The following COL9A1 variants were observed in gnomAD, a reference collection of about 807,000 sequenced individuals.
COL9A1 encodes collagen alpha-1(IX) chain.
COL9A1 carries 104 observed loss-of-function variants against 142.6 expected under a neutral mutation model. The ratio of observed to expected loss-of-function variants is 0.73; its 90% CI spans 0.62 to 0.86. COL9A1 has a LOEUF of 0.86. COL9A1 is among the 40% of genes least tolerant of loss of function. The pLI, the probability that COL9A1 is intolerant of heterozygous loss-of-function variation, is 0.00. For missense variants in COL9A1, 1,210 were observed against 1,176.6 expected (o/e 1.03, Z -0.42); for synonymous variants, 466 against 396.0 (o/e 1.18, Z -2.10).
chr6:70,294,127 T>C (rs1336371294), intron 5 of COL9A1, 40 bp downstream of exon 5: 4 of 1,612,080 alleles, frequency 2.5e-6, no homozygotes, highest in African/African-American at 1.3e-5. Flanking sequence ...ACCAATCTAG[T>C]TTTGCTTTAA....
In COL9A1 at chr6:70,300,687, TG is replaced by T. The variant is rs370842882; in HGVS notation, c.89-302del. ...AAGGCACAAAGTTGCTCTAATAATC[TG>T]GCTGGGAAAATGTTCGTTTTGAAGA... On this transcript the variant is annotated intron_variant, in intron 2 of 37. Coordinates refer to ENST00000357250, the MANE Select transcript of COL9A1 (RefSeq NM_001851.6). Among the ~76,000 whole-genome samples the T allele has an allele frequency of 3.3e-4, 50 of 152,278 alleles. 2 individuals are homozygous for T. The highest frequency in any genetic ancestry group is 1.1e-3 in the African/African-American group (47 of 41,558).
chr6:70,222,008 C>G (rs192288014), intron 37 of COL9A1, among the ~76,000 whole-genome samples: 1 of 152,230 alleles, frequency 6.6e-6, no homozygotes, highest in East Asian at 1.9e-4. Context: ...ATTCACATGT[C>G]TAGGTTGCAA....
intron 17 of COL9A1, among the ~76,000 whole-genome samples, chr6:70,268,363 T>A (rs1772165819): frequency 6.6e-6 from 1 of 152,016 alleles, no homozygotes; most frequent in South Asian, 2.1e-4. Flanking sequence ...TACAAGTGCA[T>A]GCCACCATGC....
intron 28 of COL9A1, among the ~76,000 whole-genome samples, chr6:70,245,381 C>G (rs895421532): frequency 6.6e-6 from 1 of 152,132 alleles, no homozygotes; most frequent in Non-Finnish European, 1.5e-5. Context: ...TGAAGGTCAT[C>G]GCCAAGGTCT....
intron 19 of COL9A1, 84 bp downstream of exon 19, chr6:70,263,160 T>G (rs1423478259): frequency 8.8e-7 from 1 of 1,130,694 alleles, no homozygotes; most frequent in Non-Finnish European, 1.3e-6. Context: ...TTCATCCAAC[T>G]GCTAAATAGA....
At chr6:70,225,292 C>T (rs1380762401) in intron 37 of COL9A1, among the ~76,000 whole-genome samples, 1 of 152,178 alleles carries the variant, frequency 6.6e-6, no homozygotes, top group Non-Finnish European at 1.5e-5. Context: ...CCAGCCTGGA[C>T]TCTGGTGACA....
chr6:70,302,099 CTG>C lies in COL9A1; in HGVS notation c.15-27_15-26del, dbSNP rs758612086. 28 of 1,552,770 alleles carry C rather than the reference CTG, an allele frequency of 1.8e-5. 1 individual carries two copies. In the Middle Eastern group the frequency reaches 5.1e-4, roughly 28 times the overall value. On this transcript the variant is annotated intron_variant, in intron 1 of 37. Transcript: ENST00000357250. ...CCTGAAGAAGAGAGAAGAAAAATGA[CTG>C]AAACAGGAGTCCCCGCAGATGGAAA...
At chr6:70,236,112 C>CAAAAAA (rs368419095) in intron 33 of COL9A1, among the ~76,000 whole-genome samples, 4 of 49,022 alleles carry the variant, frequency 8.2e-5, no homozygotes, top group Non-Finnish European at 1.3e-4. Flanking sequence ...GACTCCATCT[C>CAAAAAA]AAAAAAAAAA....
intron 18 of COL9A1, 145 bp downstream of exon 18, chr6:70,266,572 T>A (rs1239576914): frequency 1.4e-5 from 10 of 719,978 alleles, no homozygotes; most frequent in Non-Finnish European, 2.2e-5. Context: ...TATTGATGCA[T>A]CTGCTTAGAA....
chr6:70,225,823 A>G, intron 37 of COL9A1, 109 bp downstream of exon 37: 1 of 836,844 alleles, frequency 1.2e-6, no homozygotes, highest in South Asian at 1.4e-5. Context: ...TGAATAATTA[A>G]TATGCTTAAG....
chr6:70,223,913 G>A (rs1490260558), intron 37 of COL9A1, among the ~76,000 whole-genome samples: 1 of 152,184 alleles, frequency 6.6e-6, no homozygotes, highest in Non-Finnish European at 1.5e-5. Context: ...GAGGTGAGAA[G>A]GATGGGAGAT....
intron 35 of COL9A1, among the ~76,000 whole-genome samples, chr6:70,233,266 A>G (rs1769671282): frequency 6.6e-6 from 1 of 152,236 alleles, no homozygotes; most frequent in Non-Finnish European, 1.5e-5. Flanking sequence ...TAGTTTGAAG[A>G]TATTATATAA....
intron 5 of COL9A1, among the ~76,000 whole-genome samples, chr6:70,287,335 A>G (rs1431186441): frequency 6.6e-6 from 1 of 152,152 alleles, no homozygotes; most frequent in Non-Finnish European, 1.5e-5. Flanking sequence ...TTATTATTAA[A>G]TTGTCATTGA....
Position 70,217,609 on chromosome 6 carries a change from A to G in COL9A1, c.2582-528T>C, listed in dbSNP as rs558058201. ...GTGGCTACTTGATTTAAAATCATACATGCAACTCACATTTGTGGCTCACAT... is the reference window on the plus strand; with the variant it reads ...GTGGCTACTTGATTTAAAATCATACGTGCAACTCACATTTGTGGCTCACAT... On this transcript the variant is annotated intron_variant, in intron 37 of 37. Coordinates refer to ENST00000357250, the MANE Select transcript of COL9A1 (RefSeq NM_001851.6). Among the ~76,000 whole-genome samples the G allele has an allele frequency of 9.8e-4, 150 of 152,332 alleles. No individual in the cohort carries two copies. In the Middle Eastern group the frequency reaches 0.02, roughly 21 times the overall value.
intron 37 of COL9A1, among the ~76,000 whole-genome samples, chr6:70,218,483 A>G (rs1768671568): frequency 6.6e-6 from 1 of 152,208 alleles, no homozygotes; most frequent in African/African-American, 2.4e-5. Context: ...CAATTATTGC[A>G]AAAGTGGTGA....
Position 70,216,705 on chromosome 6 carries a change from A to C in COL9A1, c.*192T>G. On this transcript the variant is annotated 3_prime_UTR_variant, in exon 38 of 38. Transcript: ENST00000357250. The stretch of plus-strand genomic sequence containing the variant: ...TGCTGTCTTCCCTCCAAGGGAAAGG[A>C]AAGAGAACTTACTGAATAGCACCGT... 2 of 649,338 alleles carry C rather than the reference A, an allele frequency of 3.1e-6. No homozygotes were observed. The highest frequency in any genetic ancestry group is 5.5e-6 in the Non-Finnish European group (2 of 363,810). The allele number at this position is 649,338 out of a possible 1,614,324, so 40.2% of individuals were successfully genotyped here.
chr6:70,283,359 T>C (rs1773297301), intron 6 of COL9A1: 1 of 904,480 alleles, frequency 1.1e-6, no homozygotes, highest in African/African-American at 1.7e-5. Context: ...TCTGCCTCCA[T>C]CCCATCCACC....
chr6:70,225,214 G>A (rs1306789004), intron 37 of COL9A1, among the ~76,000 whole-genome samples: 1 of 152,148 alleles, frequency 6.6e-6, no homozygotes, highest in Non-Finnish European at 1.5e-5. Context: ...AACTGAACTG[G>A]CTTTTGGCCC....
chr6:70,216,744 A>G lies in COL9A1; in HGVS notation c.*153T>C. ...GAATAGCACCGTTCTTCTATATGTG[A>G]TTGTCAAGTAGGACTTCTGTAATCA... On this transcript the variant is annotated 3_prime_UTR_variant, in exon 38 of 38. Transcript: ENST00000357250. 1.3e-6 allele frequency: 1 copy of G among 794,454 alleles called. No individual in the cohort carries two copies. Among genetic ancestry groups the G allele is most frequent in the Admixed American group, 2.0e-5 (1 of 49,218 alleles). 49.2% of individuals were successfully genotyped at this position (794,454 alleles called of 1,614,324 possible). A position where few individuals can be genotyped will look rare whatever the true frequency, so the allele number is the denominator to read the frequency against.
Sources: allele counts gnomAD v4.1 joint callset (sites outside exome capture counted in the v4.1 genomes callset), GRCh38; gene constraint gnomAD v4.1.1; transcripts MANE v1.5; gene names NCBI Gene and HGNC (gene_info 2026-07-23, HGNC 2026-07-21).